FBXL7: variants seen among roughly 807,000 people sequenced by gnomAD.
The protein encoded by FBXL7 is F-box and leucine rich repeat protein 7.
Under a neutral mutation model 38.3 loss-of-function variants are expected in FBXL7, and 12 were observed. The ratio of observed to expected loss-of-function variants is 0.31; its 90% CI spans 0.20 to 0.51. The LOEUF is 0.51. Ranked by LOEUF, FBXL7 falls within the 20% of genes least tolerant of loss-of-function variation. The pLI, the probability that FBXL7 is intolerant of heterozygous loss-of-function variation, is 0.98. For missense variants in FBXL7, 567 were observed against 676.4 expected, an observed-to-expected ratio of 0.84 and a Z score of 1.79; for synonymous variants, 297 against 300.9, an observed-to-expected ratio of 0.99 and a Z score of 0.13.
chr5:15,514,749 C>T (rs562925054), intron 1 of FBXL7, among the ~76,000 whole-genome samples: 15 of 152,306 alleles, frequency 9.8e-5, no homozygotes, highest in Non-Finnish European at 1.5e-4. Flanking sequence ...TCCCTGCCCC[C>T]GGCTGCACTG....
At chr5:15,668,772 G>C (rs1027591624) in intron 2 of FBXL7, among the ~76,000 whole-genome samples, 2 of 152,164 alleles carry the variant, frequency 1.3e-5, no homozygotes, top group Admixed American at 6.5e-5. Flanking sequence ...GCTAGGTGCA[G>C]CAGAACTCAG....
intron 1 of FBXL7, among the ~76,000 whole-genome samples, chr5:15,522,685 GT>G (rs1737134705): frequency 6.6e-6 from 1 of 152,330 alleles, no homozygotes; most frequent in East Asian, 1.9e-4. Context: ...GCTGAGTATA[GT>G]TTTATGATGA....
chr5:15,642,677 C>G (rs1207404942), intron 2 of FBXL7, among the ~76,000 whole-genome samples: 13 of 152,220 alleles, frequency 8.5e-5, no homozygotes, highest in Non-Finnish European at 1.8e-4. Flanking sequence ...CCTTTGTACT[C>G]TTAGATAGGA....
chr5:15,647,363 C>T (rs1741565399), intron 2 of FBXL7, among the ~76,000 whole-genome samples: 1 of 152,182 alleles, frequency 6.6e-6, no homozygotes, highest in Admixed American at 6.5e-5. Context: ...AAGTCCAGTG[C>T]TCTTCTCGCC....
intron 2 of FBXL7, among the ~76,000 whole-genome samples, chr5:15,658,328 T>C (rs986712783): frequency 2.0e-5 from 3 of 152,214 alleles, no homozygotes; most frequent in East Asian, 1.9e-4. Context: ...CTGAATGATA[T>C]GGTTTGGCTG....
chr5:15,752,519 T>C (rs1053867934), intron 2 of FBXL7, among the ~76,000 whole-genome samples: 2 of 152,124 alleles, frequency 1.3e-5, no homozygotes, highest in African/African-American at 4.8e-5. Context: ...TATTTTATTT[T>C]ATTTTTATCC....
intron 2 of FBXL7, among the ~76,000 whole-genome samples, chr5:15,752,884 G>C (rs551788477): frequency 6.6e-6 from 1 of 152,148 alleles, no homozygotes; most frequent in African/African-American, 2.4e-5. Context: ...AGGGACCACT[G>C]TACTTTCACT....
At chr5:15,714,318 G>A (rs1430668832) in intron 2 of FBXL7, among the ~76,000 whole-genome samples, 47 of 152,170 alleles carry the variant, frequency 3.1e-4, no homozygotes, top group Non-Finnish European at 2.9e-5. Flanking sequence ...CATGTAAGAT[G>A]TGCCTGCTTC....
At chr5:15,890,034 G>T (rs1244055415) in intron 2 of FBXL7, among the ~76,000 whole-genome samples, 1 of 152,102 alleles carries the variant, frequency 6.6e-6, no homozygotes, top group Non-Finnish European at 1.5e-5. Context: ...GGGCCTATCA[G>T]ACTTCATTCT....
chr5:15,548,041 A>G (rs113798619), intron 1 of FBXL7, among the ~76,000 whole-genome samples: 1 of 152,210 alleles, frequency 6.6e-6, no homozygotes, highest in Non-Finnish European at 1.5e-5. Context: ...CTCCACTGGC[A>G]TTCTAATTTC....
intron 2 of FBXL7, among the ~76,000 whole-genome samples, chr5:15,751,198 A>ATAATTGGG (rs1736146283): frequency 6.6e-6 from 1 of 152,188 alleles, no homozygotes; most frequent in African/African-American, 2.4e-5. Context: ...TAATTGTTAC[A>ATAATTGGG]CTATTGAACA....
chr5:15,725,305 A>G (rs917185473), intron 2 of FBXL7, among the ~76,000 whole-genome samples: 3 of 152,162 alleles, frequency 2.0e-5, no homozygotes, highest in Non-Finnish European at 4.4e-5. Context: ...TGCTTTCACC[A>G]TATCCCATAC....
At chr5:15,615,648 T>C (rs1043272245) in intron 1 of FBXL7, among the ~76,000 whole-genome samples, 1 of 152,220 alleles carries the variant, frequency 6.6e-6, no homozygotes, top group Non-Finnish European at 1.5e-5. Context: ...AATAAAAAAT[T>C]AATGCAGGAG....
intron 1 of FBXL7, among the ~76,000 whole-genome samples, chr5:15,524,899 C>T (rs1737206403): frequency 6.6e-6 from 1 of 152,206 alleles, no homozygotes; most frequent in African/African-American, 2.4e-5. Context: ...AGATACTTGG[C>T]TGAGATGATT....
chr5:15,719,622 CAA>C, intron 2 of FBXL7, among the ~76,000 whole-genome samples: 1 of 148,982 alleles, frequency 6.7e-6, no homozygotes, highest in East Asian at 2.0e-4. Context: ...TAGATTGAAA[CAA>C]ATTCCTGTGA....
At chr5:15,682,083 A>G (rs574049176) in intron 2 of FBXL7, among the ~76,000 whole-genome samples, 6 of 152,356 alleles carry the variant, frequency 3.9e-5, no homozygotes, top group African/African-American at 1.4e-4. Context: ...GATCAATTGT[A>G]TCATAGACCA....
At chr5:15,905,276 T>G (rs1237665507) in intron 2 of FBXL7, among the ~76,000 whole-genome samples, 2 of 152,244 alleles carry the variant, frequency 1.3e-5, no homozygotes, top group Non-Finnish European at 2.9e-5. Context: ...GTTTCTCTTT[T>G]TAAGCTAAAA....
chr5:15,733,802 T>G (rs7733271), intron 2 of FBXL7, among the ~76,000 whole-genome samples: 83,905 of 152,126 alleles, frequency 0.55, 23,279 homozygotes, highest in East Asian at 0.67. Context: ...AATAGTTTTA[T>G]TTTCCTATAA....
chr5:15,793,925 C>T (rs184884016), intron 2 of FBXL7, among the ~76,000 whole-genome samples: 90 of 152,304 alleles, frequency 5.9e-4, no homozygotes, highest in African/African-American at 2.1e-3. Flanking sequence ...TAGCCATGTG[C>T]GCCTCTCCCA....
Sources: gnomAD v4.1 joint callset for allele counts (sites outside exome capture counted in the v4.1 genomes callset) on GRCh38, gnomAD v4.1.1 for gene constraint, MANE v1.5 for transcripts, NCBI Gene and HGNC (gene_info 2026-07-23, HGNC 2026-07-21) for gene names.